SETBP1: variants seen among roughly 807,000 people sequenced by gnomAD.
The protein encoded by SETBP1 is SET-binding protein.
In SETBP1, 9 loss-of-function variants were observed where a neutral mutation model predicts 101.0. The ratio of observed to expected loss-of-function variants is 0.09; its 90% CI spans 0.05 to 0.16. The LOEUF is 0.16. Ranked by LOEUF, SETBP1 falls within the 10% of genes least tolerant of loss-of-function variation. The pLI, the probability that SETBP1 is intolerant of heterozygous loss-of-function variation, is 1.00. For missense variants in SETBP1, 1,858 were observed against 2,033.8 expected, an observed-to-expected ratio of 0.91 and a Z score of 1.66; for synonymous variants, 818 against 788.5, an observed-to-expected ratio of 1.04 and a Z score of -0.63.
chr18:44,736,259 A>G (rs1568116926), intron 2 of SETBP1, among the ~76,000 whole-genome samples: 1 of 152,166 alleles, frequency 6.6e-6, no homozygotes, highest in Non-Finnish European at 1.5e-5. Flanking sequence ...CACGTCTGTC[A>G]TCCCAGCTAC....
intron 2 of SETBP1, among the ~76,000 whole-genome samples, chr18:44,750,903 G>A (rs1421511562): frequency 6.6e-6 from 1 of 152,204 alleles, no homozygotes; most frequent in Non-Finnish European, 1.5e-5. Flanking sequence ...ACCACTGTGG[G>A]CCAGTTGAGT....
At chr18:45,035,505 C>T (rs2073378774) in intron 4 of SETBP1, among the ~76,000 whole-genome samples, 2 of 152,194 alleles carry the variant, frequency 1.3e-5, no homozygotes, top group African/African-American at 4.8e-5. Flanking sequence ...ATTGGATCAA[C>T]TCTAATGAAT....
At position 44,969,777 on chromosome 18, in the gene SETBP1, T is replaced by A. The variant is rs146310762; in HGVS notation, c.4000+16437T>A. Among the ~76,000 whole-genome samples, 573 of 152,292 alleles carry A rather than the reference T, an allele frequency of 3.8e-3. 1 individual carries two copies. Among genetic ancestry groups the A allele is most frequent in the African/African-American group, 0.013 (536 of 41,566 alleles). On this transcript the variant is annotated intron_variant, in intron 4 of 5. Coordinates refer to ENST00000649279, the MANE Select transcript of SETBP1 (RefSeq NM_015559.3). ...CTGATTGTTTGGAAAGTGAAATGAT[T>A]CTGAAGATCAAACTCTACCGCTTCT...
At chr18:44,860,573 T>C (rs1276250) in intron 2 of SETBP1, among the ~76,000 whole-genome samples, 133,524 of 151,986 alleles carry the variant, frequency 0.88, 58,810 homozygotes, top group African/African-American at 0.93. Context: ...TGTGGCAAAA[T>C]CCTATCTCTA....
intron 4 of SETBP1, among the ~76,000 whole-genome samples, chr18:45,029,207 T>A (rs2073236895): frequency 6.6e-6 from 1 of 152,198 alleles, no homozygotes; most frequent in South Asian, 2.1e-4. Flanking sequence ...AAGGAAGGGA[T>A]CCAGTTTCAG....
At chr18:44,999,197 A>G (rs978278331) in intron 4 of SETBP1, among the ~76,000 whole-genome samples, 4 of 152,124 alleles carry the variant, frequency 2.6e-5, no homozygotes, top group South Asian at 2.1e-4. Context: ...CTTAGGGGTA[A>G]TAGTCTGGTC....
At chr18:44,955,336 G>A (rs1358994536) in intron 4 of SETBP1, among the ~76,000 whole-genome samples, 1 of 152,196 alleles carries the variant, frequency 6.6e-6, no homozygotes, top group Non-Finnish European at 1.5e-5. Context: ...AGAAATAGGT[G>A]TCATGACAAT....
At chr18:44,920,511 G>A (rs150664821) in intron 3 of SETBP1, among the ~76,000 whole-genome samples, 255 of 152,256 alleles carry the variant, frequency 1.7e-3, no homozygotes, top group African/African-American at 5.7e-3. Flanking sequence ...ATTGTAATTC[G>A]GCTAAGCCCG....
chr18:44,882,907 C>T (rs929384824), intron 3 of SETBP1, among the ~76,000 whole-genome samples: 1 of 152,160 alleles, frequency 6.6e-6, no homozygotes, highest in Non-Finnish European at 1.5e-5. Context: ...TCTGCAGCTA[C>T]CTCCTGTTCA....
At chr18:44,963,310 G>T (rs2071650297) in intron 4 of SETBP1, among the ~76,000 whole-genome samples, 1 of 152,120 alleles carries the variant, frequency 6.6e-6, no homozygotes, top group African/African-American at 2.4e-5. Context: ...CTAAAAATAG[G>T]ATATTTTACA....
chr18:44,866,153 A>G (rs1463806292), intron 2 of SETBP1, among the ~76,000 whole-genome samples: 1 of 152,120 alleles, frequency 6.6e-6, no homozygotes, highest in African/African-American at 2.4e-5. Flanking sequence ...TTTAACCTCC[A>G]ATTTCTACAC....
chr18:45,025,056 A>G (rs1464866238), intron 4 of SETBP1, among the ~76,000 whole-genome samples: 1 of 152,214 alleles, frequency 6.6e-6, no homozygotes. Flanking sequence ...TTCCACTAAC[A>G]AGATAACAAA....
At chr18:44,878,343 T>TC (rs397722835) in intron 3 of SETBP1, among the ~76,000 whole-genome samples, 3 of 150,782 alleles carry the variant, frequency 2.0e-5, no homozygotes, top group Non-Finnish European at 1.5e-5. Context: ...ATTTTTTTTT[T>TC]CTCTTCAATC....
At chr18:44,984,950 G>A (rs866533643) in intron 4 of SETBP1, among the ~76,000 whole-genome samples, 11 of 152,154 alleles carry the variant, frequency 7.2e-5, no homozygotes, top group African/African-American at 1.9e-4. Context: ...AGACCAGCCC[G>A]GCCAACATGG....
chr18:44,880,134 A>C (rs1484139424), intron 3 of SETBP1, among the ~76,000 whole-genome samples: 1 of 152,230 alleles, frequency 6.6e-6, no homozygotes, highest in African/African-American at 2.4e-5. Flanking sequence ...AGACTGCACT[A>C]GGACTTGGGG....
chr18:44,725,775 G>A (rs1323588864), intron 2 of SETBP1, among the ~76,000 whole-genome samples: 1 of 152,120 alleles, frequency 6.6e-6, no homozygotes, highest in Non-Finnish European at 1.5e-5. Context: ...CTTCCAGGAA[G>A]TGATGACTCA....
chr18:44,733,644 C>T (rs181293090), intron 2 of SETBP1, among the ~76,000 whole-genome samples: 1 of 152,308 alleles, frequency 6.6e-6, no homozygotes, highest in East Asian at 1.9e-4. Context: ...ATTTTACATC[C>T]TTCTCTTTCA....
intron 4 of SETBP1, among the ~76,000 whole-genome samples, chr18:44,979,385 G>A (rs2072061739): frequency 6.6e-6 from 1 of 152,204 alleles, no homozygotes; most frequent in Non-Finnish European, 1.5e-5. Context: ...GAAATTCAGT[G>A]TACTACTGGC....
chr18:44,832,186 A>G (rs1042842675), intron 2 of SETBP1, among the ~76,000 whole-genome samples: 6 of 152,230 alleles, frequency 3.9e-5, no homozygotes, highest in Non-Finnish European at 7.3e-5. Flanking sequence ...CATCATTTAT[A>G]AATTTGAAAA....
Sources: gnomAD v4.1 joint callset for allele counts (sites outside exome capture counted in the v4.1 genomes callset) on GRCh38, gnomAD v4.1.1 for gene constraint, MANE v1.5 for transcripts, NCBI Gene and HGNC (gene_info 2026-07-23, HGNC 2026-07-21) for gene names.